Variants in HMGA2 observed in about 807,000 individuals in gnomAD.
The protein encoded by HMGA2 is high mobility group protein HMGI-C.
A neutral mutation model predicts 19.1 loss-of-function variants in HMGA2; 8 were observed. The observed-to-expected ratio is 0.42, with a 90% CI of 0.25 to 0.76. The LOEUF (loss-of-function observed/expected upper bound fraction) is 0.76. Among genes scored for constraint, HMGA2 ranks in the 30% least tolerant of loss-of-function variants. HMGA2 has a pLI of 0.28. For missense variants in HMGA2, 109 were observed against 136.3 expected (o/e 0.80, Z 1.00); for synonymous variants, 60 against 48.8 (o/e 1.23, Z -0.96).
intron 2 of HMGA2, chr12:65,828,783 C>G (rs918747500): frequency 1.3e-5 from 2 of 153,014 alleles, no homozygotes; most frequent in Non-Finnish European, 2.9e-5. Flanking sequence ...CATTTAATAT[C>G]TCTTTTTGGG....
chr12:65,876,232 A>C (rs978121183), intron 3 of HMGA2, among the ~76,000 whole-genome samples: 2 of 152,126 alleles, frequency 1.3e-5, no homozygotes, highest in Admixed American at 1.3e-4. Flanking sequence ...TTTTCAAAAA[A>C]AAAATGTATA....
At chr12:65,938,252 A>G (rs2121286298) in intron 3 of HMGA2, among the ~76,000 whole-genome samples, 1 of 152,322 alleles carries the variant, frequency 6.6e-6, no homozygotes, top group South Asian at 2.1e-4. Flanking sequence ...TTCTTGACCT[A>G]CTGAATTTAC....
At chr12:65,904,588 G>A (rs1184230411) in intron 3 of HMGA2, among the ~76,000 whole-genome samples, 1 of 152,164 alleles carries the variant, frequency 6.6e-6, no homozygotes, top group Admixed American at 6.5e-5. Context: ...ACAACTGGTT[G>A]ATTTGATGAT....
intron 3 of HMGA2, among the ~76,000 whole-genome samples, chr12:65,886,799 C>T (rs921970614): frequency 3.3e-5 from 5 of 152,204 alleles, no homozygotes; most frequent in African/African-American, 7.2e-5. Context: ...CCAGACAAAG[C>T]TTCTCAACCC....
At chr12:65,842,761 A>G in intron 3 of HMGA2, 1 of 1,374,560 alleles carries the variant, frequency 7.3e-7, no homozygotes, top group Non-Finnish European at 9.4e-7. Flanking sequence ...CAGTCCTGCC[A>G]ATTGAAATTT....
chr12:65,829,590 T>C (rs2120833914), intron 2 of HMGA2, among the ~76,000 whole-genome samples: 1 of 152,178 alleles, frequency 6.6e-6, no homozygotes, highest in East Asian at 1.9e-4. Flanking sequence ...TGTGGTATAA[T>C]TCCTCTGAAA....
intron 3 of HMGA2, among the ~76,000 whole-genome samples, chr12:65,847,521 T>C (rs1245041882): frequency 6.6e-6 from 1 of 152,198 alleles, no homozygotes; most frequent in Non-Finnish European, 1.5e-5. Context: ...GGTGCATATC[T>C]CCTATTTATC....
At chr12:65,838,120 G>T (rs1201610583) in intron 2 of HMGA2, among the ~76,000 whole-genome samples, 1 of 152,078 alleles carries the variant, frequency 6.6e-6, no homozygotes, top group East Asian at 1.9e-4. Context: ...GACATGGAAA[G>T]AATCTTGATC....
chr12:65,886,637 A>G (rs536946465), intron 3 of HMGA2, among the ~76,000 whole-genome samples: 17 of 151,622 alleles, frequency 1.1e-4, no homozygotes, highest in Non-Finnish European at 2.5e-4. Context: ...GATTACAGGC[A>G]TGAGACACAA....
rs1870841394 is a variant in HMGA2, at chr12:65,838,588, T to C, written c.249+19T>C. 2 of 1,568,540 alleles carry C rather than the reference T, an allele frequency of 1.3e-6. No homozygotes were observed. The highest frequency in any genetic ancestry group is 2.3e-5 in the East Asian group (1 of 43,278). ...GAAATGGGTGAGTAATAAGATATAA[T>C]TTTTCTTCTTTTTTTTAAAGAAAAA... On this transcript the variant is annotated intron_variant, in intron 3 of 4. Coordinates refer to ENST00000403681, the MANE Select transcript of HMGA2 (RefSeq NM_003483.6).
rs140627853 is a variant in HMGA2, at chr12:65,877,896, G to A, written c.249+39327G>A. On this transcript the variant is annotated intron_variant, in intron 3 of 4. Coordinates refer to ENST00000403681, the MANE Select transcript of HMGA2 (RefSeq NM_003483.6). Reference sequence around the variant, plus strand: ...ATCCTATGTTCCATATCATGGGATTGTAAACGCTCATATTTCCTTTTGTGA... The same window carrying A: ...ATCCTATGTTCCATATCATGGGATTATAAACGCTCATATTTCCTTTTGTGA... 7.9e-5 allele frequency among the ~76,000 whole-genome samples: 12 copies of A among 152,084 alleles called. No individual in the cohort carries two copies. The East Asian group carries it at 2.3e-3, about 29-fold the overall frequency.
At chr12:65,961,810 G>T (rs369198481) in intron 4 of HMGA2, among the ~76,000 whole-genome samples, 60 of 152,028 alleles carry the variant, frequency 3.9e-4, no homozygotes, top group African/African-American at 1.2e-3. Flanking sequence ...TTCTTGTGGG[G>T]TTTTTTTCTC....
chr12:65,914,563 C>T (rs984731457), intron 3 of HMGA2, among the ~76,000 whole-genome samples: 1 of 151,566 alleles, frequency 6.6e-6, no homozygotes, highest in Non-Finnish European at 1.5e-5. Flanking sequence ...TTAGTGGGTG[C>T]AGCGCACCAG....
At chr12:65,856,967 C>G (rs886701684) in intron 3 of HMGA2, 4 of 152,222 alleles carry the variant, frequency 2.6e-5, no homozygotes, top group Admixed American at 2.0e-4. Flanking sequence ...TTCATAGAGA[C>G]AAGGTGGGTT....
intron 3 of HMGA2, chr12:65,842,487 A>C: frequency 3.4e-6 from 3 of 892,258 alleles, no homozygotes; most frequent in Non-Finnish European, 5.3e-6. Context: ...AGTACCCTTG[A>C]CAGTATCATT....
At chr12:65,927,963 ATATG>A (rs970691969) in intron 3 of HMGA2, among the ~76,000 whole-genome samples, 6 of 137,780 alleles carry the variant, frequency 4.4e-5, no homozygotes, top group Non-Finnish European at 6.3e-5. Flanking sequence ...ATATATATAT[ATATG>A]TATGTATGTA....
intron 3 of HMGA2, among the ~76,000 whole-genome samples, chr12:65,843,707 C>G (rs1871109114): frequency 6.6e-6 from 1 of 152,046 alleles, no homozygotes; most frequent in Admixed American, 6.6e-5. Flanking sequence ...CAAGCACACA[C>G]ACACACACAA....
At chr12:65,940,417 T>A (rs1468981379) in intron 3 of HMGA2, among the ~76,000 whole-genome samples, 4 of 152,216 alleles carry the variant, frequency 2.6e-5, no homozygotes, top group Non-Finnish European at 4.4e-5. Flanking sequence ...TGATTTGTCC[T>A]TTAAATATAT....
chr12:65,906,750 A>G (rs1379340535), intron 3 of HMGA2, among the ~76,000 whole-genome samples: 2 of 152,236 alleles, frequency 1.3e-5, no homozygotes, highest in African/African-American at 4.8e-5. Context: ...GTTAAAAATA[A>G]CAAATTATGC....
Sources: gnomAD v4.1 joint callset for allele counts (sites outside exome capture counted in the v4.1 genomes callset) on GRCh38, gnomAD v4.1.1 for gene constraint, MANE v1.5 for transcripts, NCBI Gene and HGNC (gene_info 2026-07-23, HGNC 2026-07-21) for gene names.